NRG1: variants seen among roughly 807,000 people sequenced by gnomAD.
NRG1 encodes neuregulin 1.
NRG1 carries 18 observed loss-of-function variants against 63.8 expected under a neutral mutation model. The observed-to-expected ratio is 0.28, with a 90% confidence interval of 0.19 to 0.42. NRG1 has a LOEUF of 0.42. NRG1 is among the 10% of genes least tolerant of loss of function. The pLI, the probability that NRG1 is intolerant of heterozygous loss-of-function variation, is 1.00. For synonymous variants in NRG1, 302 were observed against 301.3 expected, an observed-to-expected ratio of 1.00 and a Z score of -0.02; for missense variants, 762 against 814.7, an observed-to-expected ratio of 0.94 and a Z score of 0.79.
intron 1 of NRG1, among the ~76,000 whole-genome samples, chr8:31,972,144 T>C (rs1807394222): frequency 6.6e-6 from 1 of 152,124 alleles, no homozygotes; most frequent in Non-Finnish European, 1.5e-5. Context: ...AAAATTTATA[T>C]AATAATCTAT....
intron 1 of NRG1, among the ~76,000 whole-genome samples, chr8:32,501,522 A>G (rs555755376): frequency 6.6e-6 from 1 of 152,344 alleles, no homozygotes; most frequent in Admixed American, 6.5e-5. Context: ...TTCAAGGTCA[A>G]GAAGACTTCA....
At chr8:32,458,890 T>C (rs185333930) in intron 1 of NRG1, among the ~76,000 whole-genome samples, 2 of 152,350 alleles carry the variant, frequency 1.3e-5, no homozygotes, top group East Asian at 3.9e-4. Flanking sequence ...ATCTTCCTCC[T>C]GGCTTTCTAT....
chr8:31,923,406 G>C (rs1692648976), intron 1 of NRG1, among the ~76,000 whole-genome samples: 1 of 152,142 alleles, frequency 6.6e-6, no homozygotes, highest in Non-Finnish European at 1.5e-5. Context: ...ATTAATGAGA[G>C]AGATTGTACT....
chr8:31,756,466 G>A (rs143511098), intron 1 of NRG1, among the ~76,000 whole-genome samples: 1 of 152,140 alleles, frequency 6.6e-6, no homozygotes, highest in East Asian at 1.9e-4. Flanking sequence ...TGTTGACTGA[G>A]GAATGCCGAG....
chr8:32,748,358 CAGAGAGAGAGAGAG>C (rs34657847), intron 7 of NRG1, among the ~76,000 whole-genome samples: 5 of 122,010 alleles, frequency 4.1e-5, no homozygotes, highest in Middle Eastern at 4.7e-3. Flanking sequence ...CACACACACA[CAGAGAGAGAGAGAG>C]AGAGAGAGAG....
exon 1 of NRG1, chr8:32,548,694 G>GCCGTCCGCGTAGAGCGCT: frequency 1.3e-6 from 2 of 1,556,686 alleles, no homozygotes; most frequent in South Asian, 2.4e-5. Flanking sequence ...TGCGCCGAGA[G>GCCGTCCGCGTAGAGCGCT]CCGTCCGCGT....
downstream of NRG1, among the ~76,000 whole-genome samples, chr8:32,769,784 A>G (rs1025505981): frequency 8.5e-5 from 13 of 152,158 alleles, no homozygotes; most frequent in African/African-American, 2.9e-4. Context: ...GGTGTTGAAT[A>G]GGGTGGTCAT....
intron 1 of NRG1, among the ~76,000 whole-genome samples, chr8:31,721,886 T>C (rs892737414): frequency 3.3e-5 from 5 of 152,166 alleles, no homozygotes; most frequent in Non-Finnish European, 7.4e-5. Context: ...CCTTGTTGTA[T>C]CATAATCCCT....
chr8:31,988,271 C>T (rs1810430724), intron 1 of NRG1, among the ~76,000 whole-genome samples: 1 of 152,076 alleles, frequency 6.6e-6, no homozygotes, highest in Admixed American at 6.6e-5. Context: ...AATTGATTGA[C>T]ACTTAATTTT....
intron 1 of NRG1, among the ~76,000 whole-genome samples, chr8:31,734,621 T>C (rs1814465901): frequency 6.6e-6 from 1 of 152,204 alleles, no homozygotes; most frequent in Admixed American, 6.5e-5. Context: ...TCTTCTTCAG[T>C]CTTAAACTTC....
At chr8:31,700,829 T>C (rs1188912685) in intron 1 of NRG1, among the ~76,000 whole-genome samples, 1 of 152,118 alleles carries the variant, frequency 6.6e-6, no homozygotes, top group Non-Finnish European at 1.5e-5. Flanking sequence ...TCATTGACTA[T>C]GGAAATAATT....
At chr8:32,372,471 A>G (rs1200017223) in intron 1 of NRG1, among the ~76,000 whole-genome samples, 1 of 152,134 alleles carries the variant, frequency 6.6e-6, no homozygotes, top group African/African-American at 2.4e-5. Flanking sequence ...AACAACACAG[A>G]TAGAAGGCAG....
chr8:32,329,329 T>C (rs546286415), intron 1 of NRG1, among the ~76,000 whole-genome samples: 1 of 152,332 alleles, frequency 6.6e-6, no homozygotes, highest in African/African-American at 2.4e-5. Flanking sequence ...CAAAATGATT[T>C]AATTATAAAA....
intron 1 of NRG1, among the ~76,000 whole-genome samples, chr8:31,874,211 A>T (rs550432716): frequency 6.6e-6 from 1 of 152,354 alleles, no homozygotes; most frequent in African/African-American, 2.4e-5. Context: ...CAGTGGGGTC[A>T]TGCTAGTGAA....
At position 31,677,349 on chromosome 8, in the gene NRG1, T is replaced by C. The variant is rs528123443; in HGVS notation, c.37+37918T>C. On this transcript the variant is annotated intron_variant, in intron 1 of 10. Transcript: ENST00000519301. The stretch of plus-strand genomic sequence containing the variant: ...AGTGTTTTTTATCTATCTATGTCTA[T>C]CTATTGATATAGAATCTATGTAGGG... Among the ~76,000 whole-genome samples, 16 of 152,160 alleles carry C rather than the reference T, an allele frequency of 1.1e-4. No homozygotes were observed. The South Asian group carries it at 3.3e-3, about 32-fold the overall frequency.
chr8:31,731,100 C>A (rs1813999132), intron 1 of NRG1, among the ~76,000 whole-genome samples: 1 of 152,094 alleles, frequency 6.6e-6, no homozygotes, highest in Admixed American at 6.6e-5. Flanking sequence ...TCTCATCTTT[C>A]TGGAAAGCGA....
chr8:32,211,789 C>A (rs1329229460), intron 1 of NRG1, among the ~76,000 whole-genome samples: 2 of 152,144 alleles, frequency 1.3e-5, no homozygotes, highest in South Asian at 2.1e-4. Context: ...TTTTTGTGTA[C>A]TTAAATTTGC....
intron 1 of NRG1, among the ~76,000 whole-genome samples, chr8:31,964,325 G>A (rs1422997450): frequency 6.6e-6 from 1 of 152,172 alleles, no homozygotes; most frequent in East Asian, 1.9e-4. Flanking sequence ...TAAATGAAGT[G>A]GACATTGTTT....
At chr8:31,758,620 A>G (rs1408763257) in intron 1 of NRG1, among the ~76,000 whole-genome samples, 1 of 152,118 alleles carries the variant, frequency 6.6e-6, no homozygotes, top group Non-Finnish European at 1.5e-5. Flanking sequence ...TTTGAGATTT[A>G]TCTGGGTTGT....
Sources: allele counts gnomAD v4.1 joint callset (sites outside exome capture counted in the v4.1 genomes callset), GRCh38; gene constraint gnomAD v4.1.1; transcripts MANE v1.5; gene names NCBI Gene and HGNC (gene_info 2026-07-23, HGNC 2026-07-21).